TCEA1: variants seen among roughly 807,000 people sequenced by gnomAD.
The protein encoded by TCEA1 is transcription elongation factor A protein 1.
In TCEA1, 21 loss-of-function variants were observed where a neutral mutation model predicts 43.8. The ratio of observed to expected loss-of-function variants is 0.48; its 90% CI spans 0.34 to 0.69. TCEA1 has a LOEUF of 0.69. Among genes scored for constraint, TCEA1 ranks in the 30% least tolerant of loss-of-function variants. TCEA1 has a pLI of 0.01. For missense variants in TCEA1, 250 were observed against 365.1 expected, an observed-to-expected ratio of 0.68 and a Z score of 2.57; for synonymous variants, 104 against 117.5, an observed-to-expected ratio of 0.88 and a Z score of 0.75.
At position 53,988,114 on chromosome 8, in the gene TCEA1, C is replaced by G. The variant is rs1210291581; in HGVS notation, c.466G>C (p.Asp156His). ...EMLAAALRTG[D>H]DYIAIGADEE... ...GAGAAATAACATGCACTGGACTTAC[C>G]CCCTGTTCGAAGAGCTGCAGCAAGC... Residue 156 changes from aspartate to histidine, a missense_variant and splice_region_variant, in exon 5 of 10, where the codon GAT becomes CAT. This residue lies in a region of TCEA1 where 147 missense variants were observed against 160.3 expected (regional missense o/e 0.92). Coordinates refer to ENST00000521604, the MANE Select transcript of TCEA1 (RefSeq NM_006756.4). 6 of 1,610,448 alleles carry G rather than the reference C, an allele frequency of 3.7e-6. No individual in the cohort carries two copies. The highest frequency in any genetic ancestry group is 3.4e-6 in the Non-Finnish European group (4 of 1,179,242).
At chr8:53,970,309 T>C (rs1199055051) in intron 9 of TCEA1, 83 bp downstream of exon 9, 1 of 905,952 alleles carries the variant, frequency 1.1e-6, no homozygotes, top group Non-Finnish European at 1.9e-6. Flanking sequence ...TATATTTAGA[T>C]ATCTAGGCAG....
intron 2 of TCEA1, 44 bp downstream of exon 2, chr8:54,010,386 G>A (rs1369182412): frequency 1.4e-5 from 21 of 1,453,654 alleles, no homozygotes; most frequent in Non-Finnish European, 1.9e-5. Context: ...GGTATTTTAT[G>A]ACGACTACCT....
intron 1 of TCEA1, among the ~76,000 whole-genome samples, chr8:54,021,292 C>T (rs560962299): frequency 3.5e-4 from 54 of 152,274 alleles, no homozygotes; most frequent in African/African-American, 1.3e-3. Context: ...GGATTTCTTA[C>T]AAACCACAAA....
chr8:54,007,975 A>G lies in TCEA1; in HGVS notation c.126+2455T>C, dbSNP rs180768584. ...GGATGGTGGATCACCCGAGGTCAGG[A>G]GTTTGAGACCAGCCTGGCCAACATG... On this transcript the variant is annotated intron_variant, in intron 2 of 9. Transcript: ENST00000521604. Among the ~76,000 whole-genome samples the G allele has an allele frequency of 4.1e-3, 621 of 152,044 alleles. 4 individuals are homozygous for G. Among genetic ancestry groups the G allele is most frequent in the African/African-American group, 0.014 (592 of 41,480 alleles).
chr8:53,994,312 GC>G (rs1426288131), intron 3 of TCEA1, among the ~76,000 whole-genome samples: 3 of 152,070 alleles, frequency 2.0e-5, no homozygotes, highest in Admixed American at 2.0e-4. Flanking sequence ...ACCACTGCAT[GC>G]CAGCCCAGGC....
rs147516930 is a variant in TCEA1 at position 53,996,376 on chromosome 8, G to A, written c.233-2621C>T. Among the ~76,000 whole-genome samples, 505 of 152,328 alleles carry A rather than the reference G, an allele frequency of 3.3e-3. 3 individuals carry two copies. The highest frequency in any genetic ancestry group is 6.8e-3 in the Middle Eastern group (2 of 294). On this transcript the variant is annotated intron_variant, in intron 3 of 9. Transcript: ENST00000521604. ...TCAACTGTGTGCAAGGTATTTAACC[G>A]CTCAGTGCCTCAGATTCCTCATCAT...
At chr8:53,979,201 T>C in intron 7 of TCEA1, 30 bp from the exon 8 acceptor site, 2 of 1,597,082 alleles carry the variant, frequency 1.3e-6, no homozygotes, top group Non-Finnish European at 1.7e-6. Flanking sequence ...ACCACTCAGT[T>C]ATAGACACCT....
intron 9 of TCEA1, 139 bp downstream of exon 9, chr8:53,970,252 AG>A (rs1191215848): frequency 1.4e-6 from 1 of 734,896 alleles, no homozygotes; most frequent in South Asian, 1.5e-5. Flanking sequence ...TTCCATTACA[AG>A]TAGTCAGGGA....
chr8:54,017,591 C>G (rs112516946), intron 1 of TCEA1, among the ~76,000 whole-genome samples: 4,251 of 152,240 alleles, frequency 0.028, 208 homozygotes, highest in African/African-American at 0.098. Flanking sequence ...TCTAGATCAG[C>G]CTGGGCAATA....
intron 4 of TCEA1, among the ~76,000 whole-genome samples, chr8:53,992,728 C>T (rs1803919301): frequency 6.6e-6 from 1 of 152,200 alleles, no homozygotes; most frequent in South Asian, 2.1e-4. Flanking sequence ...AGGGACCACA[C>T]TTTCAAGAAC....
intron 5 of TCEA1, among the ~76,000 whole-genome samples, chr8:53,987,541 G>C (rs1341479764): frequency 2.0e-5 from 3 of 152,138 alleles, no homozygotes; most frequent in African/African-American, 7.2e-5. Context: ...AGAAAATCAG[G>C]TCAAACTAGC....
At chr8:54,003,435 G>C (rs1432058946) in intron 2 of TCEA1, among the ~76,000 whole-genome samples, 1 of 152,132 alleles carries the variant, frequency 6.6e-6, no homozygotes, top group Non-Finnish European at 1.5e-5. Context: ...GAAGAACAAA[G>C]TTGGAGCACT....
intron 8 of TCEA1, chr8:53,972,452 T>G (rs558866390): frequency 1.9e-5 from 10 of 520,264 alleles, no homozygotes; most frequent in Non-Finnish European, 3.4e-5. Context: ...GTTTTGGGCA[T>G]GCATGGAGAG....
At position 53,980,569 on chromosome 8, in the gene TCEA1, A is replaced by G. The variant is rs567886542; in HGVS notation, c.679-1398T>C. 1.3e-5 allele frequency among the ~76,000 whole-genome samples: 2 copies of G among 152,280 alleles called. 1 individual carries two copies. Among genetic ancestry groups the G allele is most frequent in the South Asian group, 4.1e-4 (2 of 4,820 alleles). ...GTGATCAGTAATTTCTTATGTTACT[A>G]TCACTGTTTTAGGGGCACCACTAAC... On this transcript the variant is annotated intron_variant, in intron 7 of 9. Transcript: ENST00000521604.
intron 6 of TCEA1, 64 bp downstream of exon 6, chr8:53,986,905 T>A: frequency 7.6e-7 from 1 of 1,321,198 alleles, no homozygotes; most frequent in Non-Finnish European, 1.0e-6. Context: ...GCCTGGCATT[T>A]GCATATGTTC....
chr8:54,013,680 C>CAAAAAAAAAA (rs5891511), intron 1 of TCEA1, among the ~76,000 whole-genome samples: 73 of 65,174 alleles, frequency 1.1e-3, no homozygotes, highest in Non-Finnish European at 1.7e-3. Flanking sequence ...AACTCCATCT[C>CAAAAAAAAAA]AAAAAAAAAA....
At chr8:53,998,480 C>T (rs1047197402) in intron 3 of TCEA1, among the ~76,000 whole-genome samples, 1 of 152,014 alleles carries the variant, frequency 6.6e-6, no homozygotes, top group African/African-American at 2.4e-5. Context: ...GGCAGGGGAC[C>T]AGGAATGAGG....
intron 4 of TCEA1, among the ~76,000 whole-genome samples, chr8:53,991,874 A>AAT (rs1338953988): frequency 1.3e-5 from 2 of 151,224 alleles, no homozygotes; most frequent in Non-Finnish European, 1.5e-5. Flanking sequence ...TAATATGTTT[A>AAT]ATATATATAT....
chr8:53,972,480 C>T (rs1803186151), intron 8 of TCEA1: 1 of 522,444 alleles, frequency 1.9e-6, no homozygotes, highest in Non-Finnish European at 3.9e-6. Context: ...TAAACCTGCT[C>T]CTCGTGCTGA....
Sources: gnomAD v4.1 joint callset for allele counts (sites outside exome capture counted in the v4.1 genomes callset) on GRCh38, gnomAD v4.1.1 for gene constraint, gnomAD v4.1.1 regional missense constraint, MANE v1.5 for transcripts, NCBI Gene and HGNC (gene_info 2026-07-23, HGNC 2026-07-21) for gene names.